UNC5C: variants seen among roughly 807,000 people sequenced by gnomAD.
UNC5C encodes the protein unc-5 netrin receptor C.
Under a neutral mutation model 99.8 loss-of-function variants are expected in UNC5C, and 47 were observed. The ratio of observed to expected loss-of-function variants is 0.47; its 90% CI spans 0.37 to 0.60. UNC5C has a LOEUF of 0.60. Ranked by LOEUF, UNC5C falls within the 20% of genes least tolerant of loss-of-function variation. The pLI is 0.00. For synonymous variants in UNC5C, 487 were observed against 452.2 expected (o/e 1.08, Z -0.98); for missense variants, 1,062 against 1,165.9 (o/e 0.91, Z 1.30).
At chr4:95,491,490 T>C (rs908872204) in intron 1 of UNC5C, among the ~76,000 whole-genome samples, 2 of 151,620 alleles carry the variant, frequency 1.3e-5, no homozygotes, top group Non-Finnish European at 3.0e-5. Flanking sequence ...TTCAGTTTTC[T>C]TGGATAATTC....
At chr4:95,346,095 G>A (rs538949046) in intron 1 of UNC5C, among the ~76,000 whole-genome samples, 1 of 151,508 alleles carries the variant, frequency 6.6e-6, no homozygotes, top group Admixed American at 6.6e-5. Context: ...TTTGAAAAAG[G>A]AGACATTACA....
intron 13 of UNC5C, among the ~76,000 whole-genome samples, chr4:95,184,293 G>T (rs114229371): frequency 6.6e-6 from 1 of 152,318 alleles, no homozygotes; most frequent in Non-Finnish European, 1.5e-5. Context: ...CTTCCCATCA[G>T]TCTTCCAGTA....
chr4:95,514,210 T>C (rs1308878175), intron 1 of UNC5C, among the ~76,000 whole-genome samples: 1 of 152,192 alleles, frequency 6.6e-6, no homozygotes, highest in East Asian at 1.9e-4. Flanking sequence ...AAATCTGTTA[T>C]AGATAAGCTT....
intron 4 of UNC5C, among the ~76,000 whole-genome samples, chr4:95,255,938 C>T (rs1739962565): frequency 6.6e-6 from 1 of 152,136 alleles, no homozygotes; most frequent in Non-Finnish European, 1.5e-5. Flanking sequence ...TCCACTGCTT[C>T]ACCATAGCTG....
chr4:95,284,372 A>G (rs1055380434), intron 3 of UNC5C, among the ~76,000 whole-genome samples: 1 of 152,212 alleles, frequency 6.6e-6, no homozygotes, highest in Non-Finnish European at 1.5e-5. Context: ...GAGATTTTAA[A>G]TACACATTTT....
intron 2 of UNC5C, among the ~76,000 whole-genome samples, chr4:95,306,376 G>A (rs1241310051): frequency 6.6e-6 from 1 of 151,754 alleles, no homozygotes; most frequent in African/African-American, 2.4e-5. Context: ...CTAATTTTTT[G>A]TATTTTTAGT....
intron 4 of UNC5C, among the ~76,000 whole-genome samples, chr4:95,264,948 CCT>C (rs1038072632): frequency 3.3e-5 from 5 of 152,162 alleles, no homozygotes; most frequent in African/African-American, 9.6e-5. Context: ...CAAGGATCTC[CCT>C]CTCTCTCATT....
intron 1 of UNC5C, among the ~76,000 whole-genome samples, chr4:95,519,244 A>G (rs1722291502): frequency 6.6e-6 from 1 of 152,166 alleles, no homozygotes; most frequent in African/African-American, 2.4e-5. Flanking sequence ...CCATTCAGCA[A>G]TAGGACCTGG....
intron 3 of UNC5C, among the ~76,000 whole-genome samples, chr4:95,300,043 C>G (rs1741811950): frequency 6.6e-6 from 1 of 152,154 alleles, no homozygotes; most frequent in African/African-American, 2.4e-5. Context: ...GCTTTAGAAG[C>G]AGGATTGATG....
At chr4:95,343,265 G>A (rs1253243133) in intron 1 of UNC5C, among the ~76,000 whole-genome samples, 6 of 152,156 alleles carry the variant, frequency 3.9e-5, no homozygotes, top group Admixed American at 1.3e-4. Context: ...GGTAGAGACA[G>A]GGATGCTTAT....
chr4:95,212,082 A>T (rs975556309), intron 10 of UNC5C, among the ~76,000 whole-genome samples: 15 of 152,304 alleles, frequency 9.8e-5, no homozygotes, highest in Middle Eastern at 3.4e-3. Flanking sequence ...AAGCAAATCT[A>T]TCTCTATACA....
At chr4:95,463,986 T>C (rs1192746784) in intron 1 of UNC5C, among the ~76,000 whole-genome samples, 7 of 152,232 alleles carry the variant, frequency 4.6e-5, no homozygotes, top group Non-Finnish European at 8.8e-5. Flanking sequence ...GTATCTTTAC[T>C]GTAAACCAGT....
chr4:95,175,716 T>C (rs1217112235), intron 14 of UNC5C, among the ~76,000 whole-genome samples: 2 of 152,332 alleles, frequency 1.3e-5, no homozygotes, highest in African/African-American at 2.4e-5. Flanking sequence ...CTGACAATTA[T>C]GTGTCTTGGA....
At chr4:95,278,221 G>A in intron 4 of UNC5C, 38 bp downstream of exon 4, 1 of 1,524,124 alleles carries the variant, frequency 6.6e-7, no homozygotes, top group Non-Finnish European at 9.1e-7. Flanking sequence ...GAATAACTTA[G>A]TGCCAATTGC....
chr4:95,369,504 A>G (rs1744682020), intron 1 of UNC5C, among the ~76,000 whole-genome samples: 1 of 152,016 alleles, frequency 6.6e-6, no homozygotes, highest in African/African-American at 2.4e-5. Context: ...GTGAGCCGAG[A>G]TTGCTTGCGC....
chr4:95,198,302 T>G (rs1313332482), intron 12 of UNC5C, among the ~76,000 whole-genome samples: 1 of 152,084 alleles, frequency 6.6e-6, no homozygotes, highest in Non-Finnish European at 1.5e-5. Flanking sequence ...GAGCCTCTCC[T>G]TAAGAACAAA....
chr4:95,386,646 T>A (rs6532554), intron 1 of UNC5C, among the ~76,000 whole-genome samples: 114,807 of 152,064 alleles, frequency 0.75, 44,168 homozygotes, highest in East Asian at 0.94. Flanking sequence ...ATGATCTCTC[T>A]TTCTCTCTGA....
intron 7 of UNC5C, among the ~76,000 whole-genome samples, chr4:95,226,530 T>C (rs568853567): frequency 1.1e-4 from 17 of 152,328 alleles, no homozygotes; most frequent in African/African-American, 4.1e-4. Context: ...CATAGCCTAT[T>C]ATCTAATGAG....
At chr4:95,285,080 A>G (rs989569939) in intron 3 of UNC5C, among the ~76,000 whole-genome samples, 1 of 152,208 alleles carries the variant, frequency 6.6e-6, no homozygotes, top group East Asian at 1.9e-4. Context: ...CTTGAAGAAG[A>G]TAAGCATGTT....
Sources: allele counts gnomAD v4.1 joint callset (sites outside exome capture counted in the v4.1 genomes callset), GRCh38; gene constraint gnomAD v4.1.1; transcripts MANE v1.5; gene names NCBI Gene and HGNC (gene_info 2026-07-23, HGNC 2026-07-21).